Variants in AUTS2 observed in about 807,000 individuals in gnomAD.
The protein encoded by AUTS2 is activator of transcription and developmental regulator AUTS2.
Under a neutral mutation model 112.4 loss-of-function variants are expected in AUTS2, and 17 were observed. The observed-to-expected ratio is 0.15, with a 90% confidence interval of 0.10 to 0.23. The LOEUF (loss-of-function observed/expected upper bound fraction) is 0.23, where lower values mean the gene tolerates loss of function less well. AUTS2 is among the 10% of genes least tolerant of loss of function. The probability of loss-of-function intolerance (pLI) is 1.00; values close to 1 mark genes in which losing one functional copy is unlikely to be tolerated. For missense variants in AUTS2, 1,510 were observed against 1,701.6 expected, an observed-to-expected ratio of 0.89 and a Z score of 1.98; for synonymous variants, 751 against 702.7, an observed-to-expected ratio of 1.07 and a Z score of -1.09.
At chr7:70,756,599 A>G (rs779975335) in intron 6 of AUTS2, among the ~76,000 whole-genome samples, 10 of 152,226 alleles carry the variant, frequency 6.6e-5, no homozygotes, top group African/African-American at 9.6e-5. Flanking sequence ...CATACCTTTA[A>G]GTATGTAAGT....
intron 4 of AUTS2, among the ~76,000 whole-genome samples, chr7:70,136,286 C>T (rs1014116662): frequency 5.3e-5 from 8 of 151,952 alleles, no homozygotes; most frequent in South Asian, 2.1e-4. Context: ...AAAAGTCTGT[C>T]GTATTATTAG....
chr7:69,998,724 T>C (rs1454811513), intron 2 of AUTS2, among the ~76,000 whole-genome samples: 1 of 152,172 alleles, frequency 6.6e-6, no homozygotes, highest in Admixed American at 6.5e-5. Context: ...GAAAAAAGTA[T>C]AAACACATAA....
chr7:70,435,340 A>G (rs1250059767), intron 4 of AUTS2, among the ~76,000 whole-genome samples: 2 of 152,218 alleles, frequency 1.3e-5, no homozygotes, highest in Non-Finnish European at 2.9e-5. Context: ...TGAAGATAGA[A>G]TGTCTTCGTT....
intron 4 of AUTS2, among the ~76,000 whole-genome samples, chr7:70,252,975 T>C (rs1039140064): frequency 6.6e-6 from 1 of 152,322 alleles, no homozygotes; most frequent in African/African-American, 2.4e-5. Flanking sequence ...ACCTTTATGA[T>C]CACTGTAGCT....
At chr7:70,030,948 A>G (rs13231497) in intron 2 of AUTS2, among the ~76,000 whole-genome samples, 38,220 of 151,962 alleles carry the variant, frequency 0.25, 4,778 homozygotes, top group Middle Eastern at 0.34. Context: ...AAACGGCTGT[A>G]CTGTTTTTCC....
chr7:69,852,675 A>G (rs1166863726), intron 1 of AUTS2, among the ~76,000 whole-genome samples: 1 of 150,946 alleles, frequency 6.6e-6, no homozygotes, highest in Admixed American at 6.6e-5. Context: ...CTGGTCTTGA[A>G]CTCCTGACCT....
chr7:70,728,007 A>G (rs1163430232), intron 6 of AUTS2, among the ~76,000 whole-genome samples: 1 of 152,104 alleles, frequency 6.6e-6, no homozygotes, highest in Non-Finnish European at 1.5e-5. Context: ...TTTATGGTGT[A>G]TTTCAGGGGA....
At chr7:70,649,486 C>T (rs554798770) in intron 5 of AUTS2, among the ~76,000 whole-genome samples, 1 of 150,428 alleles carries the variant, frequency 6.6e-6, no homozygotes, top group Non-Finnish European at 1.5e-5. Context: ...TCAGAGTGTC[C>T]CAGTGGTGAT....
At chr7:69,977,889 A>C (rs1164936264) in intron 2 of AUTS2, among the ~76,000 whole-genome samples, 4 of 152,140 alleles carry the variant, frequency 2.6e-5, no homozygotes, top group African/African-American at 9.7e-5. Context: ...CCCAGGTTTT[A>C]AGCCAGTACG....
chr7:70,321,454 A>G (rs1790249979), intron 4 of AUTS2, among the ~76,000 whole-genome samples: 1 of 152,198 alleles, frequency 6.6e-6, no homozygotes, highest in South Asian at 2.1e-4. Flanking sequence ...GTTTTAAATA[A>G]TTGTGAACAG....
intron 2 of AUTS2, among the ~76,000 whole-genome samples, chr7:69,996,360 C>G (rs1420922853): frequency 6.6e-6 from 1 of 152,128 alleles, no homozygotes; most frequent in Non-Finnish European, 1.5e-5. Context: ...TGGAGTAAAG[C>G]CTGGTTGTGT....
chr7:70,262,434 C>A (rs1318474672), intron 4 of AUTS2, among the ~76,000 whole-genome samples: 1 of 152,112 alleles, frequency 6.6e-6, no homozygotes, highest in Admixed American at 6.5e-5. Flanking sequence ...AAGTGATCCA[C>A]CCCCCTCCGC....
intron 5 of AUTS2, among the ~76,000 whole-genome samples, chr7:70,601,862 C>T (rs1445762974): frequency 6.6e-6 from 1 of 152,136 alleles, no homozygotes; most frequent in Admixed American, 6.5e-5. Context: ...TGACCTGCCT[C>T]CACCATTTCT....
At chr7:70,014,402 A>G (rs772130031) in intron 2 of AUTS2, among the ~76,000 whole-genome samples, 3 of 152,250 alleles carry the variant, frequency 2.0e-5, no homozygotes, top group Non-Finnish European at 2.9e-5. Flanking sequence ...GATAACACTT[A>G]AAAATAAAGC....
At chr7:69,874,629 T>C (rs1482428842) in intron 1 of AUTS2, among the ~76,000 whole-genome samples, 2 of 152,022 alleles carry the variant, frequency 1.3e-5, no homozygotes, top group Non-Finnish European at 2.9e-5. Flanking sequence ...GTGGAATTTG[T>C]AGGTGTCAGC....
chr7:70,395,436 C>G (rs1467857831), intron 4 of AUTS2, among the ~76,000 whole-genome samples: 1 of 152,190 alleles, frequency 6.6e-6, no homozygotes, highest in African/African-American at 2.4e-5. Flanking sequence ...TCTATTCTTT[C>G]CTAATTATCA....
chr7:69,909,669 A>G (rs1473445307), intron 2 of AUTS2, among the ~76,000 whole-genome samples: 1 of 152,152 alleles, frequency 6.6e-6, no homozygotes, highest in East Asian at 1.9e-4. Flanking sequence ...TGATTCCACA[A>G]ATTCAAAAAG....
intron 5 of AUTS2, among the ~76,000 whole-genome samples, chr7:70,681,038 G>A (rs1808179390): frequency 6.6e-6 from 1 of 152,154 alleles, no homozygotes; most frequent in South Asian, 2.1e-4. Flanking sequence ...AGCAGTAGAG[G>A]AACTTCAAAG....
intron 5 of AUTS2, among the ~76,000 whole-genome samples, chr7:70,586,135 T>A (rs1427569544): frequency 6.6e-6 from 1 of 152,146 alleles, no homozygotes. Context: ...AGTGCTGGGA[T>A]TACAGGCATG....
Sources: gnomAD v4.1 joint callset for allele counts (sites outside exome capture counted in the v4.1 genomes callset) on GRCh38, gnomAD v4.1.1 for gene constraint, MANE v1.5 for transcripts, NCBI Gene and HGNC (gene_info 2026-07-23, HGNC 2026-07-21) for gene names.